The following ZSWIM5 variants were observed in gnomAD, a reference collection of about 807,000 sequenced individuals.
The protein encoded by ZSWIM5 is zinc finger SWIM-type containing 5, also known as zinc finger SWIM domain-containing protein 5.
Under a neutral mutation model 119.6 loss-of-function variants are expected in ZSWIM5, and 55 were observed. The observed-to-expected ratio is 0.46, with a 90% CI of 0.37 to 0.58. The LOEUF (loss-of-function observed/expected upper bound fraction) is 0.58, where lower values mean the gene tolerates loss of function less well. Ranked by LOEUF, ZSWIM5 falls within the 20% of genes least tolerant of loss-of-function variation. ZSWIM5 has a pLI of 0.00. For synonymous variants in ZSWIM5, 537 were observed against 606.9 expected (o/e 0.88, Z 1.69); for missense variants, 1,193 against 1,512.8 (o/e 0.79, Z 3.51).
At position 45,019,064 on chromosome 1, in the gene ZSWIM5, G is replaced by C. The variant is rs1418623335; in HGVS notation, c.2948C>G (p.Ala983Gly). Residue 983 changes from alanine to glycine, a missense_variant, in exon 14 of 14, where the codon GCC (alanine) becomes GGC (glycine). By Grantham distance (60) the Ala-to-Gly change is moderately conservative. Around this residue, in one of 2 missense-constraint regions of ZSWIM5, gnomAD observed 961 missense variants for 1,290.0 expected, o/e 0.74. Coordinates refer to ENST00000359600, the MANE Select transcript of ZSWIM5 (RefSeq NM_020883.2). The surrounding 1 kb of genome is among the most constrained non-coding windows in gnomAD (Gnocchi z 5.0). ...CEKDHIAFEA[A>G]YQIAIDAAAG... ...AGCAGCATCAATGGCAATCTGGTAG[G>C]CTGCCTCAAAGGCAATGTGGTCTTT... is the stretch of plus-strand genomic sequence containing the variant. 2 of 1,614,242 alleles carry C rather than the reference G, an allele frequency of 1.2e-6. No homozygotes were observed. The highest frequency in any genetic ancestry group is 2.2e-5 in the South Asian group (2 of 91,086).
intron 1 of ZSWIM5, among the ~76,000 whole-genome samples, chr1:45,100,223 C>A (rs1645431079): frequency 6.6e-6 from 1 of 152,126 alleles, no homozygotes; most frequent in Admixed American, 6.5e-5. Flanking sequence ...AATCAATGTG[C>A]AAAAATCACA....
At chr1:45,139,930 A>T (rs1220826585) in intron 1 of ZSWIM5, among the ~76,000 whole-genome samples, 2 of 152,130 alleles carry the variant, frequency 1.3e-5, no homozygotes, top group Admixed American at 1.3e-4. Context: ...AGAACACTGG[A>T]AACAGTAGCA....
chr1:45,142,683 T>TAA, intron 1 of ZSWIM5, among the ~76,000 whole-genome samples: 1 of 151,930 alleles, frequency 6.6e-6, no homozygotes, highest in East Asian at 1.9e-4. Flanking sequence ...TTCTGAAAAA[T>TAA]AAATCTCCAG....
At chr1:45,196,324 G>GTT (rs113792238) in intron 1 of ZSWIM5, among the ~76,000 whole-genome samples, 2 of 141,374 alleles carry the variant, frequency 1.4e-5, no homozygotes, top group East Asian at 4.1e-4. Flanking sequence ...TGTTTTTTTG[G>GTT]TTTTTTTTTA....
At chr1:45,048,328 C>G (rs986525938) in intron 5 of ZSWIM5, among the ~76,000 whole-genome samples, 10 of 152,228 alleles carry the variant, frequency 6.6e-5, no homozygotes, top group African/African-American at 2.2e-4. Flanking sequence ...GCAGGAACCA[C>G]TGTGCCCGGC....
chr1:45,147,138 A>T (rs943128910), intron 1 of ZSWIM5, among the ~76,000 whole-genome samples: 1 of 151,682 alleles, frequency 6.6e-6, no homozygotes, highest in Non-Finnish European at 1.5e-5. Context: ...GCGGTGGTAC[A>T]ATATTGGCTC....
chr1:45,142,929 G>C (rs1311518681), intron 1 of ZSWIM5, among the ~76,000 whole-genome samples: 1 of 151,462 alleles, frequency 6.6e-6, no homozygotes, highest in Non-Finnish European at 1.5e-5. Flanking sequence ...CCAGCACTTT[G>C]GGAGGCCGAG....
intron 2 of ZSWIM5, among the ~76,000 whole-genome samples, chr1:45,069,294 T>C (rs543721068): frequency 2.2e-4 from 33 of 150,860 alleles, no homozygotes; most frequent in Non-Finnish European, 2.7e-4. Flanking sequence ...GGCGTGGTGG[T>C]GGGCGCCTGG....
intron 2 of ZSWIM5, among the ~76,000 whole-genome samples, chr1:45,073,303 G>T (rs1170268504): frequency 7.6e-6 from 1 of 130,760 alleles, no homozygotes; most frequent in Non-Finnish European, 1.5e-5. Context: ...TGTTGCCCTG[G>T]CTGGAGTTGC....
intron 1 of ZSWIM5, among the ~76,000 whole-genome samples, chr1:45,096,784 G>A (rs1345494250): frequency 6.6e-6 from 1 of 152,148 alleles, no homozygotes; most frequent in Non-Finnish European, 1.5e-5. Context: ...GTTTAGAACT[G>A]TAAGAATAAA....
At chr1:45,097,464 G>C (rs531555960) in intron 1 of ZSWIM5, among the ~76,000 whole-genome samples, 3 of 152,240 alleles carry the variant, frequency 2.0e-5, no homozygotes, top group Admixed American at 2.0e-4. Flanking sequence ...TTATATTCTA[G>C]TTTATATGAG....
At chr1:45,132,343 A>T (rs1424131954) in intron 1 of ZSWIM5, among the ~76,000 whole-genome samples, 8 of 152,088 alleles carry the variant, frequency 5.3e-5, no homozygotes, top group Admixed American at 3.9e-4. Context: ...AAACTATTTT[A>T]TCTCTGAAGT....
chr1:45,034,688 T>G (rs1346536889), intron 10 of ZSWIM5, among the ~76,000 whole-genome samples: 1 of 152,210 alleles, frequency 6.6e-6, no homozygotes, highest in Non-Finnish European at 1.5e-5. Context: ...CAAATGGATG[T>G]GAAAGGCCGT....
intron 2 of ZSWIM5, 31 bp downstream of exon 2, chr1:45,087,850 T>C: frequency 6.7e-7 from 1 of 1,493,502 alleles, no homozygotes. Flanking sequence ...GAAAAAGACC[T>C]TTTTTTTCAA....
intron 1 of ZSWIM5, among the ~76,000 whole-genome samples, chr1:45,096,210 G>A (rs1645400583): frequency 6.6e-6 from 1 of 152,034 alleles, no homozygotes; most frequent in South Asian, 2.1e-4. Flanking sequence ...TAAATTGTGG[G>A]GAGCAATAGG....
At chr1:45,173,034 G>GT (rs1404131084) in intron 1 of ZSWIM5, among the ~76,000 whole-genome samples, 2 of 152,016 alleles carry the variant, frequency 1.3e-5, no homozygotes, top group African/African-American at 2.4e-5. Context: ...GCATGGTGGT[G>GT]TGTGCCTGTG....
At chr1:45,052,215 G>A (rs1450836169) in intron 4 of ZSWIM5, among the ~76,000 whole-genome samples, 1 of 151,452 alleles carries the variant, frequency 6.6e-6, no homozygotes, top group Non-Finnish European at 1.5e-5. Flanking sequence ...TAGTAGAGAT[G>A]AGGTTTCACC....
rs1644870640 is a variant in ZSWIM5 at position 45,018,859 on chromosome 1, A to G, written c.3153T>C (p.Ser1051=). 1.2e-6 allele frequency: 2 copies of G among 1,614,112 alleles called. No individual in the cohort carries two copies. Among genetic ancestry groups the G allele is most frequent in the Non-Finnish European group, 1.7e-6 (2 of 1,180,050 alleles). ...DVLWACALSH[S]LGKNELAALI... ...GAGCTGCCAGCTCATTCTTGCCCAGAGAGTGGCTGAGAGCACAAGCCCAGA... is the reference window on the plus strand; with the variant it reads ...GAGCTGCCAGCTCATTCTTGCCCAGGGAGTGGCTGAGAGCACAAGCCCAGA... Residue 1051 remains serine (S), a synonymous_variant, in exon 14 of 14, where the codon TCT becomes TCC. Coordinates refer to ENST00000359600, the MANE Select transcript of ZSWIM5 (RefSeq NM_020883.2). The surrounding 1 kb of genome is among the most constrained non-coding windows in gnomAD (Gnocchi z 6.7).
At chr1:45,028,315 A>G (rs1644932356) in intron 11 of ZSWIM5, among the ~76,000 whole-genome samples, 1 of 152,206 alleles carries the variant, frequency 6.6e-6, no homozygotes, top group Admixed American at 6.5e-5. Context: ...CTATGTTTTC[A>G]TGTAAGAGTT....
Sources: gnomAD v4.1 joint callset for allele counts (sites outside exome capture counted in the v4.1 genomes callset) on GRCh38, gnomAD v4.1.1 for gene constraint, gnomAD v4.1.1 regional missense constraint, Gnocchi (gnomAD v3.1) non-coding constraint, MANE v1.5 for transcripts, NCBI Gene and HGNC (gene_info 2026-07-23, HGNC 2026-07-21) for gene names.